The following DLG2 variants were observed in gnomAD, a reference collection of about 807,000 sequenced individuals.
DLG2 encodes the protein disks large homolog 2.
In DLG2, 45 loss-of-function variants were observed where a neutral mutation model predicts 132.5. That is an observed-to-expected ratio of 0.34 (90% CI 0.27 to 0.44). The LOEUF is 0.44. Among genes scored for constraint, DLG2 ranks in the 20% least tolerant of loss-of-function variants. The probability of loss-of-function intolerance (pLI) is 1.00; values close to 1 mark genes in which losing one functional copy is unlikely to be tolerated. For missense variants in DLG2, 1,045 were observed against 1,196.9 expected (o/e 0.87, Z 1.87); for synonymous variants, 424 against 419.6 (o/e 1.01, Z -0.13).
chr11:84,109,640 C>G (rs537582950), intron 9 of DLG2, among the ~76,000 whole-genome samples: 1 of 152,288 alleles, frequency 6.6e-6, no homozygotes, highest in Admixed American at 6.5e-5. Context: ...ATATGTACTT[C>G]TCATTAGCTC....
At chr11:83,551,144 G>A (rs1229448474) in intron 19 of DLG2, among the ~76,000 whole-genome samples, 1 of 151,878 alleles carries the variant, frequency 6.6e-6, no homozygotes, top group East Asian at 1.9e-4. Context: ...AAAAATGAGG[G>A]GCAAGAATCC....
rs1043397650 is a variant in DLG2 at position 84,966,852 on chromosome 11, C to T, written c.357+144809G>A. ...TTTTAAAGATTCTGAAAGTATGGGG[C>T]GTTGGATCATCAAACACATAGAGAT... On this transcript the variant is annotated intron_variant, in intron 6 of 27. Coordinates refer to ENST00000376104, the MANE Select transcript of DLG2 (RefSeq NM_001142699.3). 4.6e-5 allele frequency among the ~76,000 whole-genome samples: 7 copies of T among 151,814 alleles called. No homozygotes were observed. In the East Asian group the frequency reaches 1.2e-3, roughly 25 times the overall value.
intron 6 of DLG2, among the ~76,000 whole-genome samples, chr11:84,665,429 CCTAT>C (rs909521304): frequency 7.9e-5 from 12 of 152,128 alleles, no homozygotes; most frequent in South Asian, 2.1e-4. Context: ...CGCTATACCA[CCTAT>C]CTATCTATCA....
chr11:85,432,980 C>T (rs2091276619), intron 3 of DLG2, among the ~76,000 whole-genome samples: 1 of 152,158 alleles, frequency 6.6e-6, no homozygotes, highest in Admixed American at 6.5e-5. Flanking sequence ...TCAGCAGAAA[C>T]CCTATAAGCA....
At chr11:83,822,934 G>A (rs1455256620) in intron 17 of DLG2, among the ~76,000 whole-genome samples, 1 of 152,084 alleles carries the variant, frequency 6.6e-6, no homozygotes, top group Non-Finnish European at 1.5e-5. Flanking sequence ...TATACCTAGA[G>A]TCAAACAGGC....
intron 4 of DLG2, among the ~76,000 whole-genome samples, chr11:85,242,814 C>A (rs1334651534): frequency 6.6e-6 from 1 of 151,762 alleles, no homozygotes; most frequent in East Asian, 1.9e-4. Context: ...TACATGGTAC[C>A]TGTAATCTAT....
intron 22 of DLG2, chr11:83,483,237 A>G (rs1356154471): frequency 6.2e-7 from 1 of 1,610,528 alleles, no homozygotes; most frequent in South Asian, 1.1e-5. Context: ...TACAGTGACC[A>G]TTCCTGGAAA....
At chr11:84,041,699 C>T (rs545650031) in intron 11 of DLG2, among the ~76,000 whole-genome samples, 94 of 151,844 alleles carry the variant, frequency 6.2e-4, no homozygotes, top group East Asian at 2.1e-3. Context: ...TATAGTTGTA[C>T]GCTTTCATTT....
chr11:85,163,797 T>G (rs2078223815), intron 4 of DLG2, among the ~76,000 whole-genome samples: 1 of 152,166 alleles, frequency 6.6e-6, no homozygotes, highest in South Asian at 2.1e-4. Context: ...TTGGATGCCT[T>G]GGATTGTAGG....
intron 7 of DLG2, among the ~76,000 whole-genome samples, chr11:84,524,187 A>C (rs2099313182): frequency 6.6e-6 from 1 of 152,220 alleles, no homozygotes; most frequent in Non-Finnish European, 1.5e-5. Context: ...AGCTGTCCTG[A>C]GTCACAGGTG....
chr11:84,770,943 C>T (rs567894013), intron 6 of DLG2, among the ~76,000 whole-genome samples: 24 of 152,096 alleles, frequency 1.6e-4, no homozygotes, highest in African/African-American at 5.1e-4. Context: ...TGAGCCACTG[C>T]GCTCAGCCGA....
At chr11:84,167,845 TAGTAAGGAC>T (rs2095707097) in intron 8 of DLG2, among the ~76,000 whole-genome samples, 1 of 152,150 alleles carries the variant, frequency 6.6e-6, no homozygotes, top group South Asian at 2.1e-4. Flanking sequence ...TTTGTATATT[TAGTAAGGAC>T]TAGGTTTCAC....
chr11:84,049,994 T>G (rs942579305), intron 11 of DLG2, among the ~76,000 whole-genome samples: 1 of 151,618 alleles, frequency 6.6e-6, no homozygotes, highest in Non-Finnish European at 1.5e-5. Flanking sequence ...ATATGGCATA[T>G]GTTTAAGAAA....
intron 3 of DLG2, among the ~76,000 whole-genome samples, chr11:85,391,713 A>G (rs1295336988): frequency 6.6e-6 from 1 of 152,128 alleles, no homozygotes; most frequent in African/African-American, 2.4e-5. Context: ...CAGATACAGA[A>G]AAAGCATTTG....
chr11:84,043,795 C>T (rs1224424128), intron 11 of DLG2, among the ~76,000 whole-genome samples: 1 of 151,688 alleles, frequency 6.6e-6, no homozygotes, highest in Admixed American at 6.6e-5. Context: ...CTATTTGTAA[C>T]ATATTCATAA....
chr11:84,852,177 A>G (rs765178480), intron 6 of DLG2, among the ~76,000 whole-genome samples: 1 of 151,966 alleles, frequency 6.6e-6, no homozygotes, highest in Non-Finnish European at 1.5e-5. Flanking sequence ...TCTCCTCCAT[A>G]GCAATCAGAG....
intron 9 of DLG2, among the ~76,000 whole-genome samples, chr11:84,145,934 C>T (rs577143907): frequency 4.6e-5 from 7 of 152,284 alleles, no homozygotes; most frequent in Non-Finnish European, 1.0e-4. Flanking sequence ...TAATGCCCCT[C>T]CGAATGTCTG....
At chr11:84,510,186 G>C (rs1238598359) in intron 7 of DLG2, among the ~76,000 whole-genome samples, 2 of 151,412 alleles carry the variant, frequency 1.3e-5, no homozygotes, top group African/African-American at 4.8e-5. Context: ...CATTCTGGAA[G>C]TCAAAAGAAG....
chr11:83,510,612 T>C (rs982476089), intron 21 of DLG2, among the ~76,000 whole-genome samples: 3 of 151,512 alleles, frequency 2.0e-5, no homozygotes, highest in Admixed American at 1.3e-4. Context: ...AGTAGGAGAG[T>C]GGAAGGGTGG....
Sources: gnomAD v4.1 joint callset for allele counts (sites outside exome capture counted in the v4.1 genomes callset) on GRCh38, gnomAD v4.1.1 for gene constraint, MANE v1.5 for transcripts, NCBI Gene and HGNC (gene_info 2026-07-23, HGNC 2026-07-21) for gene names.